Variants in MARCHF1 observed in about 807,000 individuals in gnomAD.
MARCHF1 encodes the protein E3 ubiquitin-protein ligase MARCHF1.
In MARCHF1, 40 loss-of-function variants were observed where a neutral mutation model predicts 54.2. The ratio of observed to expected loss-of-function variants is 0.74; its 90% CI spans 0.57 to 0.96. MARCHF1 has a LOEUF of 0.96. Among genes scored for constraint, MARCHF1 ranks in the 40% least tolerant of loss-of-function variants. The probability of loss-of-function intolerance (pLI) is 0.00; values close to 1 mark genes in which losing one functional copy is unlikely to be tolerated. For synonymous variants in MARCHF1, 236 were observed against 236.3 expected, an observed-to-expected ratio of 1.00 and a Z score of 0.01; for missense variants, 586 against 656.5, an observed-to-expected ratio of 0.89 and a Z score of 1.17.
At chr4:163,619,252 T>C (rs970088971) in intron 5 of MARCHF1, among the ~76,000 whole-genome samples, 5 of 152,188 alleles carry the variant, frequency 3.3e-5, no homozygotes, top group African/African-American at 1.2e-4. Flanking sequence ...AAAGGTCATT[T>C]TGGCAGCTGA....
At chr4:163,832,493 T>C (rs1400809078) in intron 4 of MARCHF1, among the ~76,000 whole-genome samples, 1 of 152,094 alleles carries the variant, frequency 6.6e-6, no homozygotes, top group East Asian at 1.9e-4. Context: ...TTATAACTCA[T>C]TTAGCAAAAC....
chr4:163,903,310 G>A lies in MARCHF1; in HGVS notation c.-38-49141C>T, dbSNP rs527549579. Reference sequence around the variant, plus strand: ...CTGTGCTTCAAAAAGTTCTAGTGCAGCCTTGGAAATTCTACTGCAGCTTAT... The same window carrying A: ...CTGTGCTTCAAAAAGTTCTAGTGCAACCTTGGAAATTCTACTGCAGCTTAT... On this transcript the variant is annotated intron_variant, in intron 3 of 9. Transcript: ENST00000514618. Among the ~76,000 whole-genome samples, 8 of 152,160 alleles carry A rather than the reference G, an allele frequency of 5.3e-5. No individual in the cohort carries two copies. The South Asian group carries it at 1.7e-3, about 32-fold the overall frequency.
At chr4:163,886,846 G>A (rs995796000) in intron 3 of MARCHF1, among the ~76,000 whole-genome samples, 2 of 152,038 alleles carry the variant, frequency 1.3e-5, no homozygotes, top group African/African-American at 2.4e-5. Context: ...AAGATGAAGA[G>A]GTGTTTTTGA....
chr4:164,158,799 C>T (rs935236166), intron 1 of MARCHF1, among the ~76,000 whole-genome samples: 6 of 152,228 alleles, frequency 3.9e-5, no homozygotes, highest in African/African-American at 1.4e-4. Context: ...TCCAACTATG[C>T]TCCGCCAAAA....
At chr4:164,001,566 A>G (rs1236302256) in intron 2 of MARCHF1, among the ~76,000 whole-genome samples, 1 of 151,894 alleles carries the variant, frequency 6.6e-6, no homozygotes, top group Non-Finnish European at 1.5e-5. Context: ...GCATTGTACA[A>G]TAGGCAGCAC....
intron 5 of MARCHF1, among the ~76,000 whole-genome samples, chr4:163,651,016 A>T (rs1447364298): frequency 6.6e-6 from 1 of 151,978 alleles, no homozygotes; most frequent in African/African-American, 2.4e-5. Context: ...TCCTATCTAA[A>T]GCCACACAGA....
chr4:164,150,558 A>G (rs1361040776), intron 1 of MARCHF1, among the ~76,000 whole-genome samples: 2 of 152,112 alleles, frequency 1.3e-5, no homozygotes, highest in African/African-American at 2.4e-5. Context: ...GGTGGTCTTG[A>G]GCTTGGTCCT....
In MARCHF1 at chr4:164,156,381, TC is replaced by T. The variant is rs1374120789; in HGVS notation, c.-322-44720del. Among the ~76,000 whole-genome samples the T allele has an allele frequency of 2.6e-5, 4 of 152,102 alleles. No homozygotes were observed. The East Asian group carries it at 7.7e-4, about 29-fold the overall frequency. On this transcript the variant is annotated intron_variant, in intron 1 of 9. Coordinates refer to ENST00000514618, the MANE Select transcript of MARCHF1 (RefSeq NM_001394959.1). Reference sequence around the variant, plus strand: ...GTAGGAAAATGGGGGAGGAATGGAGTCCATAGAGAAATGGGGAAGAGAAAAC... The same window carrying T: ...GTAGGAAAATGGGGGAGGAATGGAGTCATAGAGAAATGGGGAAGAGAAAAC...
intron 4 of MARCHF1, among the ~76,000 whole-genome samples, chr4:163,795,490 A>C (rs1194495181): frequency 6.6e-6 from 1 of 152,132 alleles, no homozygotes; most frequent in African/African-American, 2.4e-5. Context: ...TTGGCCTCCC[A>C]ATGTGCTGGG....
intron 1 of MARCHF1, among the ~76,000 whole-genome samples, chr4:164,255,370 C>G (rs538075098): frequency 9.1e-6 from 1 of 109,674 alleles, no homozygotes; most frequent in Admixed American, 9.6e-5. Flanking sequence ...ATACAATGAT[C>G]AATGAAAAGG....
intron 4 of MARCHF1, among the ~76,000 whole-genome samples, chr4:163,733,258 T>TATACACGTGTATATATACAC (rs1554008879): frequency 2.9e-4 from 13 of 45,060 alleles, no homozygotes; most frequent in Non-Finnish European, 5.8e-4. Context: ...TATATATATA[T>TATACACGTGTATATATACAC]ACACACACAC....
At chr4:163,774,268 A>G (rs1449338327) in intron 4 of MARCHF1, among the ~76,000 whole-genome samples, 1 of 152,188 alleles carries the variant, frequency 6.6e-6, no homozygotes, top group Non-Finnish European at 1.5e-5. Context: ...AAACATTTGC[A>G]TATGTTTTAA....
chr4:163,913,140 G>T (rs1459078473), intron 3 of MARCHF1, among the ~76,000 whole-genome samples: 6 of 152,136 alleles, frequency 3.9e-5, no homozygotes, highest in Non-Finnish European at 5.9e-5. Flanking sequence ...AACATGGCAG[G>T]TCTTATGACT....
intron 4 of MARCHF1, among the ~76,000 whole-genome samples, chr4:163,767,443 C>T (rs901039560): frequency 3.9e-5 from 6 of 151,968 alleles, no homozygotes; most frequent in Non-Finnish European, 8.8e-5. Context: ...ACGCCATTCT[C>T]CTGCCTCAGC....
chr4:163,999,817 G>A (rs1424887221), intron 2 of MARCHF1, among the ~76,000 whole-genome samples: 3 of 151,390 alleles, frequency 2.0e-5, no homozygotes, highest in African/African-American at 4.8e-5. Flanking sequence ...ATCTTCCTAG[G>A]CATGATTATT....
intron 1 of MARCHF1, among the ~76,000 whole-genome samples, chr4:164,351,872 A>T (rs1217133669): frequency 3.5e-5 from 5 of 144,748 alleles, no homozygotes; most frequent in African/African-American, 1.3e-4. Flanking sequence ...AAAAAAATTT[A>T]GAAGAATGTA....
intron 5 of MARCHF1, among the ~76,000 whole-genome samples, chr4:163,636,051 A>C (rs1369197679): frequency 6.6e-6 from 1 of 152,204 alleles, no homozygotes; most frequent in African/African-American, 2.4e-5. Context: ...ACAACCCTTC[A>C]TGCTAAAAAC....
intron 4 of MARCHF1, among the ~76,000 whole-genome samples, chr4:163,752,404 G>T (rs1216236716): frequency 6.6e-6 from 1 of 152,130 alleles, no homozygotes; most frequent in Admixed American, 6.5e-5. Flanking sequence ...AGGCAGTGTG[G>T]TATACAACAC....
intron 1 of MARCHF1, among the ~76,000 whole-genome samples, chr4:164,267,719 C>T (rs1439490443): frequency 1.3e-5 from 2 of 152,086 alleles, no homozygotes; most frequent in Non-Finnish European, 2.9e-5. Context: ...TTTTGAGATT[C>T]TCACATAAGT....
Sources: allele counts gnomAD v4.1 joint callset (sites outside exome capture counted in the v4.1 genomes callset), GRCh38; gene constraint gnomAD v4.1.1; transcripts MANE v1.5; gene names NCBI Gene and HGNC (gene_info 2026-07-23, HGNC 2026-07-21).